The following TMOD1 variants were observed in gnomAD, a reference collection of about 807,000 sequenced individuals.
TMOD1 encodes tropomodulin-1.
A neutral mutation model predicts 40.6 loss-of-function variants in TMOD1; 17 were observed. That is an observed-to-expected ratio of 0.42 (90% CI 0.29 to 0.63). TMOD1 has a LOEUF of 0.63. TMOD1 is among the 20% of genes least tolerant of loss of function. TMOD1 has a pLI of 0.22. For missense variants in TMOD1, 391 were observed against 447.6 expected, an observed-to-expected ratio of 0.87 and a Z score of 1.14; for synonymous variants, 181 against 175.0, an observed-to-expected ratio of 1.03 and a Z score of -0.27.
intron 5 of TMOD1, 70 bp downstream of exon 5, chr9:97,562,891 C>G (rs1451063736): frequency 7.8e-7 from 1 of 1,288,354 alleles, no homozygotes; most frequent in Non-Finnish European, 1.1e-6. Flanking sequence ...TGTTCTCTGG[C>G]TCATTGCAGA....
chr9:97,531,048 C>T (rs1208059180), intron 2 of TMOD1, among the ~76,000 whole-genome samples: 2 of 139,448 alleles, frequency 1.4e-5, no homozygotes, highest in Non-Finnish European at 3.2e-5. Context: ...CCCCCCCCAC[C>T]ACCCCTTGGC....
At chr9:97,543,039 C>T (rs1830300699) in intron 2 of TMOD1, among the ~76,000 whole-genome samples, 1 of 152,150 alleles carries the variant, frequency 6.6e-6, no homozygotes, top group Non-Finnish European at 1.5e-5. Context: ...GTCAGTTGTG[C>T]TGAGGTTGAG....
At chr9:97,551,673 G>A (rs555289076) in intron 3 of TMOD1, among the ~76,000 whole-genome samples, 161 of 152,182 alleles carry the variant, frequency 1.1e-3, no homozygotes, top group African/African-American at 3.7e-3. Flanking sequence ...GGCATTTGTC[G>A]CCCGTAATTC....
At chr9:97,538,008 A>G (rs1830210243) in intron 2 of TMOD1, among the ~76,000 whole-genome samples, 1 of 152,118 alleles carries the variant, frequency 6.6e-6, no homozygotes, top group Non-Finnish European at 1.5e-5. Flanking sequence ...ACGTGTCAAT[A>G]TTTTAAAATC....
Position 97,573,743 on chromosome 9 carries a change from T to C in TMOD1, c.870+4706T>C, listed in dbSNP as rs539705741. On this transcript the variant is annotated intron_variant, in intron 8 of 9. Transcript: ENST00000259365. ...CACCCGGCCTAGGGCTGTTGGAGTGTCCTCACAATATGGCAGCTAACTTCT... is the reference window on the plus strand; with the variant it reads ...CACCCGGCCTAGGGCTGTTGGAGTGCCCTCACAATATGGCAGCTAACTTCT... 1.1e-4 allele frequency among the ~76,000 whole-genome samples: 16 copies of C among 152,218 alleles called. No individual in the cohort carries two copies. The East Asian group carries it at 2.3e-3, about 22-fold the overall frequency.
At chr9:97,579,419 A>G (rs1003286059) in intron 8 of TMOD1, among the ~76,000 whole-genome samples, 14 of 152,138 alleles carry the variant, frequency 9.2e-5, no homozygotes, top group Non-Finnish European at 1.6e-4. Flanking sequence ...TGCATTAACC[A>G]ACATGGTAGT....
intron 2 of TMOD1, among the ~76,000 whole-genome samples, chr9:97,540,720 A>G (rs1210658947): frequency 6.6e-6 from 1 of 151,966 alleles, no homozygotes; most frequent in African/African-American, 2.4e-5. Flanking sequence ...GTTTTTTTTC[A>G]CAGCTGATAA....
chr9:97,537,293 T>C (rs180673813), intron 2 of TMOD1, among the ~76,000 whole-genome samples: 8 of 152,326 alleles, frequency 5.3e-5, no homozygotes, highest in Admixed American at 3.9e-4. Context: ...TGTCTGCACA[T>C]GTGTGCACAT....
chr9:97,578,454 C>G (rs1825664330), intron 8 of TMOD1, among the ~76,000 whole-genome samples: 1 of 152,166 alleles, frequency 6.6e-6, no homozygotes, highest in African/African-American at 2.4e-5. Flanking sequence ...ATGAACACTC[C>G]TGGAAGATCA....
chr9:97,521,508 C>T (rs1424102421), intron 1 of TMOD1, among the ~76,000 whole-genome samples: 1 of 152,172 alleles, frequency 6.6e-6, no homozygotes, highest in Non-Finnish European at 1.5e-5. Flanking sequence ...ATCCTCTCCC[C>T]ATCCTGGCTT....
intron 1 of TMOD1, among the ~76,000 whole-genome samples, chr9:97,523,106 C>T (rs1829943121): frequency 6.6e-6 from 1 of 152,014 alleles, no homozygotes; most frequent in Non-Finnish European, 1.5e-5. Flanking sequence ...CTATTAGTAT[C>T]CAAGAAGATC....
chr9:97,574,789 G>A (rs1044448218), intron 8 of TMOD1, among the ~76,000 whole-genome samples: 2 of 152,208 alleles, frequency 1.3e-5, no homozygotes, highest in Non-Finnish European at 2.9e-5. Flanking sequence ...ATTGACACCT[G>A]TATCTAGCTA....
intron 2 of TMOD1, among the ~76,000 whole-genome samples, chr9:97,531,612 A>G (rs1199919438): frequency 1.3e-5 from 2 of 152,126 alleles, no homozygotes; most frequent in African/African-American, 4.8e-5. Context: ...CTCCATCTCA[A>G]AAACAGAGTT....
intron 7 of TMOD1, 65 bp downstream of exon 7, chr9:97,566,020 T>C: frequency 2.1e-6 from 3 of 1,415,272 alleles, no homozygotes; most frequent in Non-Finnish European, 2.0e-6. Context: ...TTGAAATATG[T>C]GGCCTCAGGA....
rs556568793 is a variant in TMOD1, at chr9:97,517,293, T to C, written c.-48-6848T>C. On this transcript the variant is annotated intron_variant, in intron 1 of 9. Coordinates refer to ENST00000259365, the MANE Select transcript of TMOD1 (RefSeq NM_003275.4). ...TGAGCCTGGGAGCTGGAGGCTGCAA[T>C]GAGCTATGATTATATCACTACACTC... Among the ~76,000 whole-genome samples, 484 of 151,406 alleles carry C rather than the reference T, an allele frequency of 3.2e-3. 4 individuals are homozygous for C. Among genetic ancestry groups the C allele is most frequent in the Non-Finnish European group, 5.6e-3 (380 of 67,888 alleles).
chr9:97,538,168 A>C (rs567253282), intron 2 of TMOD1, among the ~76,000 whole-genome samples: 149 of 152,292 alleles, frequency 9.8e-4, no homozygotes, highest in African/African-American at 3.5e-3. Context: ...GCTATTATAT[A>C]ATTTTAGCCT....
chr9:97,568,358 A>G (rs1306307554), intron 7 of TMOD1, among the ~76,000 whole-genome samples: 1 of 152,146 alleles, frequency 6.6e-6, no homozygotes, highest in Non-Finnish European at 1.5e-5. Flanking sequence ...TATGAAAACA[A>G]CTCTGAACAG....
At chr9:97,574,465 G>C (rs1429133285) in intron 8 of TMOD1, among the ~76,000 whole-genome samples, 1 of 152,212 alleles carries the variant, frequency 6.6e-6, no homozygotes, top group East Asian at 1.9e-4. Flanking sequence ...CCCCCACGCC[G>C]TGGTCTCCTG....
intron 2 of TMOD1, among the ~76,000 whole-genome samples, chr9:97,526,208 T>C (rs1830012378): frequency 1.3e-5 from 2 of 152,224 alleles, no homozygotes; most frequent in South Asian, 4.1e-4. Flanking sequence ...ATGAATGAGC[T>C]GAGAAATAAA....
Sources: allele counts gnomAD v4.1 joint callset (sites outside exome capture counted in the v4.1 genomes callset), GRCh38; gene constraint gnomAD v4.1.1; transcripts MANE v1.5; gene names NCBI Gene and HGNC (gene_info 2026-07-23, HGNC 2026-07-21).